The following ENOX2 variants were observed in gnomAD, a reference collection of about 807,000 sequenced individuals.
ENOX2 encodes APK1 antigen.
A neutral mutation model predicts 45.0 loss-of-function variants in ENOX2; 36 were observed. That is an observed-to-expected ratio of 0.80 (90% CI 0.61 to 1.06). The LOEUF is 1.06. Among genes scored for constraint, ENOX2 ranks in the 50% least tolerant of loss-of-function variants. The pLI is 0.00. For missense variants in ENOX2, 423 were observed against 462.5 expected (o/e 0.91, Z 0.78); for synonymous variants, 174 against 152.3 (o/e 1.14, Z -1.05).
At chrX:130,852,787 G>A (rs914143720) in intron 2 of ENOX2, among the ~76,000 whole-genome samples, 8 of 111,228 alleles carry the variant, frequency 7.2e-5, no homozygotes, top group Non-Finnish European at 1.9e-5. Flanking sequence ...AAATGGCTGA[G>A]AAGGGACATA....
chrX:130,872,818 G>A (rs747962555), intron 2 of ENOX2, among the ~76,000 whole-genome samples: 6 of 111,585 alleles, frequency 5.4e-5, no homozygotes, highest in Admixed American at 9.5e-5. Flanking sequence ...TTTAATAAAC[G>A]GTGTTGGGAA....
chrX:130,751,138 C>A (rs1024710590), intron 3 of ENOX2, among the ~76,000 whole-genome samples: 1 of 111,551 alleles, frequency 9.0e-6, no homozygotes, highest in African/African-American at 3.3e-5. Flanking sequence ...TATCTAGTCC[C>A]TGTCCCCAAA....
intron 2 of ENOX2, among the ~76,000 whole-genome samples, chrX:130,820,038 G>A (rs1482951776): frequency 8.9e-6 from 1 of 112,016 alleles, no homozygotes; most frequent in East Asian, 2.8e-4. Context: ...ACAACCTACA[G>A]AATGGGAGAA....
At chrX:130,652,944 T>C (rs754362543) in intron 10 of ENOX2, among the ~76,000 whole-genome samples, 4 of 112,298 alleles carry the variant, frequency 3.6e-5, no homozygotes, top group African/African-American at 1.3e-4. Flanking sequence ...ACTTCTAGCT[T>C]CCAGAACTGT....
At chrX:130,788,092 T>C (rs1385501821) in intron 2 of ENOX2, among the ~76,000 whole-genome samples, 2 of 112,018 alleles carry the variant, frequency 1.8e-5, no homozygotes, top group Non-Finnish European at 3.8e-5. Context: ...ATTTAAAGGG[T>C]GTTTTTTGTG....
At chrX:130,736,233 G>A (rs1017687831) in intron 3 of ENOX2, among the ~76,000 whole-genome samples, 1 of 109,679 alleles carries the variant, frequency 9.1e-6, no homozygotes, top group Non-Finnish European at 1.9e-5. Context: ...GCATGGTGAC[G>A]GGCGCCTGTA....
At chrX:130,883,583 T>TTTTG (rs2148577098) in intron 2 of ENOX2, among the ~76,000 whole-genome samples, 1 of 112,036 alleles carries the variant, frequency 8.9e-6, no homozygotes, top group African/African-American at 3.2e-5. Context: ...GCATATTAAG[T>TTTTG]CCTTTTTGGA....
intron 2 of ENOX2, among the ~76,000 whole-genome samples, chrX:130,813,064 C>T (rs758230751): frequency 4.4e-4 from 49 of 111,841 alleles, no homozygotes; most frequent in African/African-American, 1.4e-3. Flanking sequence ...GAATTACGAA[C>T]GCTTAACCAG....
intron 6 of ENOX2, among the ~76,000 whole-genome samples, chrX:130,675,850 T>C (rs984471680): frequency 8.9e-6 from 1 of 112,010 alleles, no homozygotes; most frequent in African/African-American, 3.2e-5. Context: ...TAGAATATTA[T>C]ATAATTGTAT....
chrX:130,689,046 A>G, intron 4 of ENOX2, 28 bp from the exon 5 acceptor site: 1 of 1,170,870 alleles, frequency 8.5e-7, no homozygotes, highest in South Asian at 1.9e-5. Context: ...AGAACAATAA[A>G]TGACACCAGG....
At chrX:130,631,730 A>G (rs924989657) in intron 12 of ENOX2, among the ~76,000 whole-genome samples, 154 bp from the exon 13 acceptor site, 1 of 111,963 alleles carries the variant, frequency 8.9e-6, no homozygotes, top group Admixed American at 9.5e-5. Flanking sequence ...ATAAATTACA[A>G]AAGCATCACA....
At chrX:130,829,710 A>G (rs1313985153) in intron 2 of ENOX2, among the ~76,000 whole-genome samples, 2 of 111,507 alleles carry the variant, frequency 1.8e-5, no homozygotes, top group African/African-American at 6.5e-5. Context: ...TAACCCTCTT[A>G]AGGTATATGC....
At chrX:130,796,364 A>G (rs2077127583) in intron 2 of ENOX2, among the ~76,000 whole-genome samples, 1 of 111,639 alleles carries the variant, frequency 9.0e-6, no homozygotes, top group Admixed American at 9.5e-5. Context: ...AGCACAGTCC[A>G]ATAGAAGCAT....
At chrX:130,845,527 G>A (rs1337102450) in intron 2 of ENOX2, among the ~76,000 whole-genome samples, 5 of 112,278 alleles carry the variant, frequency 4.5e-5, no homozygotes, top group Admixed American at 9.4e-5. Flanking sequence ...GTGCAATGGC[G>A]TGATCTTGGC....
At chrX:130,776,019 G>T (rs2039847944) in intron 3 of ENOX2, among the ~76,000 whole-genome samples, 1 of 111,718 alleles carries the variant, frequency 9.0e-6, no homozygotes, top group Non-Finnish European at 1.9e-5. Flanking sequence ...TAAAAGCACA[G>T]ACTTCAGTAT....
chrX:130,814,245 C>A (rs2077441167), intron 2 of ENOX2, among the ~76,000 whole-genome samples: 1 of 112,396 alleles, frequency 8.9e-6, no homozygotes, highest in South Asian at 3.6e-4. Context: ...CAGCCCCAGT[C>A]AGGGGATTAT....
chrX:130,646,377 A>AT, intron 10 of ENOX2: 1 of 231,051 alleles, frequency 4.3e-6, no homozygotes, highest in Non-Finnish European at 7.9e-6. Flanking sequence ...CCCACTGAAG[A>AT]ACTCCCCTCC....
In ENOX2 at chrX:130,623,297, A is replaced by G. The variant is rs2035465169; in HGVS notation, c.*2017T>C. 1 of 111,603 alleles carries G rather than the reference A, an allele frequency of 9.0e-6. No homozygotes were observed. Among genetic ancestry groups the G allele is most frequent in the Non-Finnish European group, 1.9e-5 (1 of 53,148 alleles). The allele number at this position is 111,603 out of a possible 1,213,427, so 9.2% of individuals were successfully genotyped here. A position where few individuals can be genotyped will look rare whatever the true frequency, so the allele number is the denominator to read the frequency against. ...TTGATTAAGTGAAGGAGAGTAAGGT[A>G]TTTAGGTGTGGCAGCTGTTGCTTTA... On this transcript the variant is annotated 3_prime_UTR_variant, in exon 15 of 15. Coordinates refer to ENST00000394363, the MANE Select transcript of ENOX2 (RefSeq NM_006375.4).
chrX:130,714,883 C>G (rs943657886), intron 3 of ENOX2, among the ~76,000 whole-genome samples: 2 of 111,230 alleles, frequency 1.8e-5, no homozygotes, highest in Admixed American at 9.5e-5. Context: ...GAGGGGAGCA[C>G]TGAGGAAGTG....
Sources: allele counts gnomAD v4.1 joint callset (sites outside exome capture counted in the v4.1 genomes callset), GRCh38; gene constraint gnomAD v4.1.1; transcripts MANE v1.5; gene names NCBI Gene and HGNC (gene_info 2026-07-23, HGNC 2026-07-21).